The following ASIC2 variants were observed in gnomAD, a reference collection of about 807,000 sequenced individuals.
ASIC2 encodes the protein acid-sensing ion channel 2.
A neutral mutation model predicts 57.3 loss-of-function variants in ASIC2; 25 were observed. The ratio of observed to expected loss-of-function variants is 0.44; its 90% CI spans 0.32 to 0.61. The LOEUF (loss-of-function observed/expected upper bound fraction) is 0.61, where lower values mean the gene tolerates loss of function less well. Among genes scored for constraint, ASIC2 ranks in the 20% least tolerant of loss-of-function variants. The pLI, the probability that ASIC2 is intolerant of heterozygous loss-of-function variation, is 0.06. For missense variants in ASIC2, 641 were observed against 738.1 expected (o/e 0.87, Z 1.52); for synonymous variants, 319 against 307.5 (o/e 1.04, Z -0.39).
chr17:33,225,670 G>C (rs568899906), intron 1 of ASIC2, among the ~76,000 whole-genome samples: 2 of 152,226 alleles, frequency 1.3e-5, no homozygotes, highest in East Asian at 1.9e-4. Flanking sequence ...AGGGTCACCA[G>C]ATCAGTACAG....
intron 1 of ASIC2, among the ~76,000 whole-genome samples, chr17:33,904,391 T>C (rs1319309162): frequency 6.6e-6 from 1 of 152,132 alleles, no homozygotes; most frequent in African/African-American, 2.4e-5. Flanking sequence ...GCACCGGTGT[T>C]AAGCTGTGGT....
intron 1 of ASIC2, among the ~76,000 whole-genome samples, chr17:33,904,469 C>T (rs1915304467): frequency 6.6e-6 from 1 of 152,068 alleles, no homozygotes; most frequent in African/African-American, 2.4e-5. Context: ...GAGATCTGTC[C>T]CCAGGGATTG....
chr17:33,781,566 A>C (rs1372500621), intron 1 of ASIC2, among the ~76,000 whole-genome samples: 1 of 152,190 alleles, frequency 6.6e-6, no homozygotes, highest in Non-Finnish European at 1.5e-5. Context: ...GCATTTGGAC[A>C]TGATAGTCAT....
chr17:33,226,277 G>C (rs1213234184), intron 1 of ASIC2, among the ~76,000 whole-genome samples: 2 of 152,192 alleles, frequency 1.3e-5, no homozygotes, highest in Non-Finnish European at 2.9e-5. Flanking sequence ...TTATGGAATA[G>C]AGATGCCCAA....
intron 3 of ASIC2, among the ~76,000 whole-genome samples, chr17:33,068,559 C>CAAAACAAAACAAAACAA (rs2092053939): frequency 6.6e-6 from 1 of 151,936 alleles, no homozygotes; most frequent in South Asian, 2.1e-4. Flanking sequence ...CAAAACAAAA[C>CAAAACAAAACAAAACAA]AAAACAAACC....
chr17:33,080,410 G>GA (rs1489228379), intron 3 of ASIC2, among the ~76,000 whole-genome samples: 1 of 152,094 alleles, frequency 6.6e-6, no homozygotes. Flanking sequence ...GGACTGGCAA[G>GA]AAAAAGGGAA....
chr17:34,081,363 A>C (rs1202392395), intron 1 of ASIC2, among the ~76,000 whole-genome samples: 7 of 152,178 alleles, frequency 4.6e-5, no homozygotes, highest in African/African-American at 1.7e-4. Flanking sequence ...CTTAGAAGTG[A>C]TAGAAAAGGC....
chr17:33,310,556 T>A (rs1203936705), intron 1 of ASIC2, among the ~76,000 whole-genome samples: 1 of 152,226 alleles, frequency 6.6e-6, no homozygotes, highest in Non-Finnish European at 1.5e-5. Flanking sequence ...GGGAATAGCC[T>A]GGACTTTGAT....
chr17:33,251,078 T>C (rs1344033562), intron 1 of ASIC2, among the ~76,000 whole-genome samples: 1 of 152,218 alleles, frequency 6.6e-6, no homozygotes, highest in Non-Finnish European at 1.5e-5. Flanking sequence ...ATTGACTTAG[T>C]ATTTGTAGTA....
chr17:33,855,875 C>A lies in ASIC2; in HGVS notation c.555+300103G>T, dbSNP rs192800201. Among the ~76,000 whole-genome samples, 3 of 152,220 alleles carry A rather than the reference C, an allele frequency of 2.0e-5. No individual in the cohort carries two copies. The East Asian group carries it at 5.8e-4, about 29-fold the overall frequency. The stretch of plus-strand genomic sequence containing the variant: ...AGCCAAACTGTGGCTCAGATAATAG[C>A]TGATTCATTTTGCACAATCCAACCC... On this transcript the variant is annotated intron_variant, in intron 1 of 9. Transcript: ENST00000359872.
Position 33,023,973 on chromosome 17 carries a change from T to A in ASIC2, c.1237A>T (p.Thr413Ser). Residue 413 changes from threonine (T) to serine (S), a missense_variant, in exon 6 of 10, where the codon ACA (threonine) becomes TCA (serine). This residue lies in a region of ASIC2 where 252 missense variants were observed against 319.8 expected (regional missense o/e 0.79). Coordinates refer to ENST00000225823, the MANE Select transcript of ASIC2 (RefSeq NM_183377.2). ...EKDSNYCLCRTPCNLTRYNKE... is the reference protein window; with the variant it reads ...EKDSNYCLCRSPCNLTRYNKE... ...TTGTAGCGGGTTAGGTTGCAGGGTG[T>A]CCTGCAGAGACAGTAATTGCTGTCC... 1.2e-6 allele frequency: 2 copies of A among 1,614,196 alleles called. No homozygotes were observed. Among genetic ancestry groups the A allele is most frequent in the Non-Finnish European group, 1.7e-6 (2 of 1,180,006 alleles).
intron 1 of ASIC2, among the ~76,000 whole-genome samples, chr17:33,717,598 G>T (rs1909262151): frequency 6.6e-6 from 1 of 152,296 alleles, no homozygotes; most frequent in Non-Finnish European, 1.5e-5. Context: ...TCCTGGGGCT[G>T]CCATGACGCC....
At chr17:34,106,831 G>A (rs952432779) in intron 1 of ASIC2, among the ~76,000 whole-genome samples, 5 of 152,042 alleles carry the variant, frequency 3.3e-5, no homozygotes, top group Non-Finnish European at 7.4e-5. Flanking sequence ...TCCAGCCCTG[G>A]AATATGAAAA....
chr17:33,633,354 G>A (rs1906237579), intron 1 of ASIC2, among the ~76,000 whole-genome samples: 2 of 152,210 alleles, frequency 1.3e-5, no homozygotes, highest in South Asian at 4.1e-4. Context: ...AATGCAGAGG[G>A]CAGATCACGA....
chr17:33,718,178 G>A (rs1909279914), intron 1 of ASIC2, among the ~76,000 whole-genome samples: 3 of 143,912 alleles, frequency 2.1e-5, no homozygotes, highest in African/African-American at 3.0e-5. Flanking sequence ...ATCATCTCTA[G>A]TTTACTTAGC....
At chr17:34,123,648 C>A (rs1344412074) in intron 1 of ASIC2, among the ~76,000 whole-genome samples, 4 of 152,202 alleles carry the variant, frequency 2.6e-5, no homozygotes, top group African/African-American at 9.7e-5. Flanking sequence ...TCACTTACAA[C>A]CTGAGTGGTC....
chr17:33,134,719 G>T (rs896849101), intron 1 of ASIC2, among the ~76,000 whole-genome samples: 1 of 152,212 alleles, frequency 6.6e-6, no homozygotes, highest in African/African-American at 2.4e-5. Context: ...GTTGTCCCCG[G>T]GCTGGCCTTG....
intron 3 of ASIC2, among the ~76,000 whole-genome samples, chr17:33,031,917 C>T (rs1024141788): frequency 4.6e-5 from 7 of 152,136 alleles, no homozygotes; most frequent in African/African-American, 1.7e-4. Flanking sequence ...CTTTATTCTC[C>T]TACTATTTAT....
At chr17:33,594,247 G>A (rs575205990) in intron 1 of ASIC2, among the ~76,000 whole-genome samples, 5 of 152,294 alleles carry the variant, frequency 3.3e-5, no homozygotes, top group African/African-American at 1.2e-4. Flanking sequence ...CTTAACTTTG[G>A]TGTTCACCAG....
Sources: gnomAD v4.1 joint callset for allele counts (sites outside exome capture counted in the v4.1 genomes callset) on GRCh38, gnomAD v4.1.1 for gene constraint, gnomAD v4.1.1 regional missense constraint, MANE v1.5 for transcripts, NCBI Gene and HGNC (gene_info 2026-07-23, HGNC 2026-07-21) for gene names.